The following SCLY variants were observed in gnomAD, a reference collection of about 807,000 sequenced individuals.
SCLY encodes selenocysteine lyase.
A neutral mutation model predicts 50.1 loss-of-function variants in SCLY; 38 were observed. The ratio of observed to expected loss-of-function variants is 0.76; its 90% CI spans 0.59 to 0.99. The LOEUF is 0.99. Ranked by LOEUF, SCLY falls within the 50% of genes least tolerant of loss-of-function variation. The pLI is 0.00. For missense variants in SCLY, 600 were observed against 620.0 expected (o/e 0.97, Z 0.34); for synonymous variants, 243 against 249.4 (o/e 0.97, Z 0.24).
At chr2:238,068,011 G>A (rs950415877) in intron 2 of SCLY, 54 bp from the exon 3 acceptor site, 5 of 1,348,284 alleles carry the variant, frequency 3.7e-6, no homozygotes, top group East Asian at 2.3e-5. Flanking sequence ...TTTTAGATGC[G>A]TTGATTGAGC....
In SCLY at chr2:238,084,737, A is replaced by G. The variant is rs2065273620; in HGVS notation, c.884+1383A>G. On this transcript the variant is annotated intron_variant, in intron 7 of 11. Transcript: ENST00000254663. The stretch of plus-strand genomic sequence containing the variant: ...GTGAAACCCCATCTCTACTAAAAGT[A>G]CGAAAAATTAGCCAGGCGTGGTGGT... Among the ~76,000 whole-genome samples, 4 of 149,530 alleles carry G rather than the reference A, an allele frequency of 2.7e-5. No homozygotes were observed. In the South Asian group the frequency reaches 8.5e-4, roughly 32 times the overall value.
chr2:238,091,243 G>A lies in SCLY; in HGVS notation c.910G>A (p.Gly304Ser), dbSNP rs1228196699. 2 of 1,613,524 alleles carry A rather than the reference G, an allele frequency of 1.2e-6. No individual in the cohort carries two copies. The highest frequency in any genetic ancestry group is 1.7e-6 in the Non-Finnish European group (2 of 1,179,506). The part of the protein sequence containing the change: ...PGTENTPMIA[G>S]LGKAAELVTQ... ...GACAGAGAACACCCCAATGATTGCT[G>A]GCCTTGGGAAGGTGAGCCCTGGTGA... Residue 304 changes from glycine to serine, a missense_variant, in exon 8 of 12, where the codon GGC (glycine) becomes AGC (serine). Transcript: ENST00000254663.
chr2:238,096,736 G>C, intron 10 of SCLY, 65 bp from the exon 11 acceptor site: 1 of 1,534,456 alleles, frequency 6.5e-7, no homozygotes, highest in Non-Finnish European at 8.9e-7. Context: ...GCAGGACCCC[G>C]GGAAGGGACA....
intron 7 of SCLY, among the ~76,000 whole-genome samples, chr2:238,090,224 A>G (rs987104531): frequency 3.9e-5 from 6 of 152,258 alleles, no homozygotes; most frequent in African/African-American, 1.4e-4. Context: ...AGATATCACT[A>G]ACACCTATCA....
At chr2:238,077,601 T>C (rs917796985) in intron 4 of SCLY, among the ~76,000 whole-genome samples, 1 of 152,198 alleles carries the variant, frequency 6.6e-6, no homozygotes, top group Non-Finnish European at 1.5e-5. Context: ...AAGCTTTCCC[T>C]TACCAAAATA....
At chr2:238,098,061 T>C in intron 11 of SCLY, 141 bp from the exon 12 acceptor site, 3 of 957,904 alleles carry the variant, frequency 3.1e-6, no homozygotes, top group Non-Finnish European at 4.6e-6. Context: ...TCTGGGAGTT[T>C]AGCAGGAGGT....
In SCLY at chr2:238,098,672, C is replaced by CATAGGACCG. The variant is rs1387039990; in HGVS notation, c.*317_*318insATAGGACCG. The CATAGGACCG allele has an allele frequency of 4.7e-6, 2 of 423,588 alleles. No individual in the cohort carries two copies. The highest frequency in any genetic ancestry group is 2.1e-5 in the African/African-American group (1 of 48,520). The allele number at this position is 423,588 out of a possible 1,614,324, so 26.2% of individuals were successfully genotyped here. A position where few individuals can be genotyped will look rare whatever the true frequency, so the allele number is the denominator to read the frequency against. ...GGGACCGCCCACATAGAACCGTCCT[C>CATAGGACCG]CAGTGGTGAAGCGGAAACACTTAGC... On this transcript the variant is annotated 3_prime_UTR_variant, in exon 12 of 12. Coordinates refer to ENST00000254663, the MANE Select transcript of SCLY (RefSeq NM_016510.7).
At chr2:238,068,824 T>G (rs2065100464) in intron 3 of SCLY, among the ~76,000 whole-genome samples, 1 of 152,202 alleles carries the variant, frequency 6.6e-6, no homozygotes, top group Admixed American at 6.5e-5. Context: ...TTATACACAC[T>G]ATTTTGTTTC....
intron 1 of SCLY, 195 bp downstream of exon 1, chr2:238,061,338 G>A (rs777402899): frequency 4.3e-6 from 3 of 704,052 alleles, no homozygotes; most frequent in Non-Finnish European, 7.9e-6. Context: ...CCCCGCAAGG[G>A]CCCACGGAGA....
At chr2:238,091,401 C>A in intron 8 of SCLY, 147 bp downstream of exon 8, 1 of 755,172 alleles carries the variant, frequency 1.3e-6, no homozygotes, top group Non-Finnish European at 2.4e-6. Context: ...TCTGATTTAT[C>A]AACCTGGAGA....
chr2:238,091,542 AGG>A, intron 8 of SCLY: 16 of 361,592 alleles, frequency 4.4e-5, no homozygotes, highest in East Asian at 1.1e-4. Context: ...GTCAAGCTGC[AGG>A]TTCACCATTC....
Position 238,083,468 on chromosome 2 carries a change from G to C in SCLY, c.884+114G>C. 1 of 762,996 alleles carries C rather than the reference G, an allele frequency of 1.3e-6. No individual in the cohort carries two copies. Among genetic ancestry groups the C allele is most frequent in the South Asian group, 1.5e-5 (1 of 66,022 alleles). 47.3% of individuals were successfully genotyped at this position (762,996 alleles called of 1,614,324 possible). ...TGGTCTCGTGGAGGCTCTGTAGCAT[G>C]TCCACACTGCTGCTGTGTCAGAACT... On this transcript the variant is annotated intron_variant, in intron 7 of 11. Coordinates refer to ENST00000254663, the MANE Select transcript of SCLY (RefSeq NM_016510.7). The surrounding 1 kb of genome is among the most constrained non-coding windows in gnomAD (Gnocchi z 4.3).
chr2:238,087,662 C>A (rs1385673164), intron 7 of SCLY, among the ~76,000 whole-genome samples: 1 of 151,344 alleles, frequency 6.6e-6, no homozygotes, highest in African/African-American at 2.5e-5. Context: ...TTTTATGAAG[C>A]TAGTATTATC....
rs1296021991 is a variant in SCLY at position 238,067,091 on chromosome 2, CA to C, written c.203-973del. Among the ~76,000 whole-genome samples, 1 of 152,130 alleles carries C rather than the reference CA, an allele frequency of 6.6e-6. No individual in the cohort carries two copies. Among genetic ancestry groups the C allele is most frequent in the African/African-American group, 2.4e-5 (1 of 41,422 alleles). The stretch of plus-strand genomic sequence containing the variant: ...TCAAGATGAGATTTGGGTGGGGACA[CA>C]GCCAAACCATTATCACTGAGAGAGG... On this transcript the variant is annotated intron_variant, in intron 2 of 11. Coordinates refer to ENST00000254663, the MANE Select transcript of SCLY (RefSeq NM_016510.7). This position sits in a 1 kb window ranked among gnomAD's most constrained non-coding sequence, Gnocchi z 4.3.
chr2:238,096,929 G>A (rs1012012018), intron 11 of SCLY, 53 bp downstream of exon 11: 47 of 1,496,428 alleles, frequency 3.1e-5, no homozygotes, highest in Non-Finnish European at 4.1e-5. Context: ...CCGGGCACTG[G>A]GTGTGGTGGG....
intron 7 of SCLY, among the ~76,000 whole-genome samples, chr2:238,084,738 C>T (rs1007308848): frequency 3.5e-5 from 5 of 142,646 alleles, no homozygotes; most frequent in South Asian, 2.2e-4. Context: ...ACTAAAAGTA[C>T]GAAAAATTAG....
intron 7 of SCLY, among the ~76,000 whole-genome samples, chr2:238,086,315 T>G (rs1343486080): frequency 6.6e-6 from 1 of 152,202 alleles, no homozygotes; most frequent in African/African-American, 2.4e-5. Flanking sequence ...TCTGATGTGG[T>G]TCAAAATGTA....
Position 238,081,815 on chromosome 2 carries a change from CAAT to C in SCLY, c.592_594del (p.Asn198del), listed in dbSNP as rs760992335. On this transcript the variant is annotated inframe_deletion, in exon 5 of 12. Coordinates refer to ENST00000254663, the MANE Select transcript of SCLY (RefSeq NM_016510.7). ...GCCTCGTGACCATCATGCTGGCCAA[CAAT>C]GAGACTGGCATTGTCATGGTGAGTC... The C allele has an allele frequency of 5.0e-5, 80 of 1,613,928 alleles. No homozygotes were observed. The highest frequency in any genetic ancestry group is 6.7e-5 in the African/African-American group (5 of 74,942).
rs1559254643 is a variant in SCLY at position 238,098,618 on chromosome 2, TGGG to T, written c.*264_*266del. On this transcript the variant is annotated 3_prime_UTR_variant, in exon 12 of 12. Transcript: ENST00000254663. ...GACCGCCCACATAGGACCGCCCACA[TGGG>T]ACCGCCCACATGGGACCGCCCACAT... 60,468 of 433,656 alleles carry T rather than the reference TGGG, an allele frequency of 0.14. 8,195 individuals carry two copies. Among genetic ancestry groups the T allele is most frequent in the Non-Finnish European group, 0.17 (41,901 of 246,576 alleles). The allele number at this position is 433,656 out of a possible 1,614,324, so 26.9% of individuals were successfully genotyped here.
Sources: gnomAD v4.1 joint callset for allele counts (sites outside exome capture counted in the v4.1 genomes callset) on GRCh38, gnomAD v4.1.1 for gene constraint, Gnocchi (gnomAD v3.1) non-coding constraint, MANE v1.5 for transcripts, NCBI Gene and HGNC (gene_info 2026-07-23, HGNC 2026-07-21) for gene names.